XRN1: variants seen among roughly 807,000 people sequenced by gnomAD.
XRN1 encodes the protein strand-exchange protein 1 homolog.
In XRN1, 67 loss-of-function variants were observed where a neutral mutation model predicts 222.3. The observed-to-expected ratio is 0.30, with a 90% CI of 0.25 to 0.37. The LOEUF is 0.37. Ranked by LOEUF, XRN1 falls within the 10% of genes least tolerant of loss-of-function variation. The pLI, the probability that XRN1 is intolerant of heterozygous loss-of-function variation, is 1.00. For missense variants in XRN1, 1,707 were observed against 2,000.2 expected (o/e 0.85, Z 2.80); for synonymous variants, 643 against 652.4 (o/e 0.99, Z 0.22).
In XRN1 at chr3:142,365,363, T is replaced by C; in HGVS notation, c.3208A>G (p.Arg1070Gly). 6.4e-7 allele frequency: 1 copy of C among 1,560,824 alleles called. No homozygotes were observed. Among genetic ancestry groups the C allele is most frequent in the Non-Finnish European group, 8.7e-7 (1 of 1,152,996 alleles). Residue 1070 changes from arginine (R) to glycine (G), a missense_variant, in exon 28 of 41, where the codon AGA becomes GGA. Coordinates refer to ENST00000392981, the MANE Select transcript of XRN1 (RefSeq NM_001282857.2). ...IEEEVEKCKQ[R>G]KNNKKVRVTV... ...ACTCGCACCTTCTTATTATTCTTTC[T>C]TTGCTGAGGAAAAAGAAAAATTGTT...
chr3:142,354,578 G>A (rs554141318), intron 32 of XRN1, among the ~76,000 whole-genome samples: 1 of 152,282 alleles, frequency 6.6e-6, no homozygotes, highest in South Asian at 2.1e-4. Context: ...TTGATTTAGA[G>A]ACTGAATCTT....
At chr3:142,320,491 T>A (rs1342321660) in intron 37 of XRN1, among the ~76,000 whole-genome samples, 1 of 152,194 alleles carries the variant, frequency 6.6e-6, no homozygotes. Flanking sequence ...ATACATAGTT[T>A]GCAAATACTG....
At chr3:142,320,701 C>A (rs77722143) in intron 37 of XRN1, among the ~76,000 whole-genome samples, 1 of 152,032 alleles carries the variant, frequency 6.6e-6, no homozygotes, top group African/African-American at 2.4e-5. Flanking sequence ...ACATTTAAGA[C>A]TCATTTCATG....
In XRN1 at chr3:142,418,289, G is replaced by T. The variant is rs1236792284; in HGVS notation, c.1346+215C>A. 1.1e-5 allele frequency: 5 copies of T among 445,900 alleles called. No homozygotes were observed. The Admixed American group carries it at 2.1e-4, about 18-fold the overall frequency. 27.6% of individuals were successfully genotyped at this position (445,900 alleles called of 1,614,324 possible). On this transcript the variant is annotated intron_variant, in intron 12 of 40. Coordinates refer to ENST00000392981, the MANE Select transcript of XRN1 (RefSeq NM_001282857.2). ...TGTAACAAAAATCCTTATACATAAG[G>T]ATCATTTTCTCTTCAGCAATTTTTA... is the stretch of plus-strand genomic sequence containing the variant.
intron 12 of XRN1, chr3:142,418,270 A>G: frequency 2.4e-6 from 1 of 412,090 alleles, no homozygotes. Context: ...ACTTTGTAAC[A>G]AAAATCCTTA....
intron 3 of XRN1, among the ~76,000 whole-genome samples, chr3:142,425,742 C>T (rs1368624259): frequency 6.6e-6 from 1 of 152,068 alleles, no homozygotes; most frequent in Non-Finnish European, 1.5e-5. Flanking sequence ...TTTCTAATGT[C>T]ACTAGTCCCC....
intron 32 of XRN1, among the ~76,000 whole-genome samples, chr3:142,353,236 C>G (rs1009520468): frequency 4.0e-5 from 6 of 151,682 alleles, no homozygotes; most frequent in Non-Finnish European, 8.8e-5. Flanking sequence ...CTAAAAAAAC[C>G]CTAAAGCTGA....
intron 1 of XRN1, among the ~76,000 whole-genome samples, chr3:142,442,358 CGCAA>C (rs528070562): frequency 9.3e-4 from 142 of 152,140 alleles, no homozygotes; most frequent in Non-Finnish European, 1.1e-3. Context: ...CCAAAAGAGC[CGCAA>C]GGCAGGACCC....
chr3:142,447,422 A>T lies in XRN1; in HGVS notation c.75+448T>A, dbSNP rs1458827134. Among the ~76,000 whole-genome samples, 1 of 152,122 alleles carries T rather than the reference A, an allele frequency of 6.6e-6. No homozygotes were observed. Among genetic ancestry groups the T allele is most frequent in the Non-Finnish European group, 1.5e-5 (1 of 68,018 alleles). ...GCGCTCTAGATCAGGGAAAGTAAAC[A>T]AGGTGACTGCGTGCGGAAGCGGCTG... On this transcript the variant is annotated intron_variant, in intron 1 of 40. Coordinates refer to ENST00000392981, the MANE Select transcript of XRN1 (RefSeq NM_001282857.2). The surrounding 1 kb of genome is among the most constrained non-coding windows in gnomAD (Gnocchi z 4.2).
rs558997804 is a variant in XRN1, at chr3:142,422,441, G to A, written c.967+141C>T. ...ATCACTGAAAATGACAACCTCAGAG[G>A]TTAGCACCTTAGACCAAAATAAATC... On this transcript the variant is annotated intron_variant, in intron 8 of 40. Coordinates refer to ENST00000392981, the MANE Select transcript of XRN1 (RefSeq NM_001282857.2). 5.7e-5 allele frequency: 47 copies of A among 826,906 alleles called. No individual in the cohort carries two copies. The East Asian group carries it at 1.3e-3, about 22-fold the overall frequency. The allele number at this position is 826,906 out of a possible 1,614,324, so 51.2% of individuals were successfully genotyped here.
chr3:142,397,511 A>G, intron 19 of XRN1, 51 bp from the exon 20 acceptor site: 1 of 1,488,790 alleles, frequency 6.7e-7, no homozygotes, highest in Non-Finnish European at 9.0e-7. Context: ...GGTTTAATAT[A>G]GAGTTCTAGC....
rs16852292 is a variant in XRN1 at position 142,356,485 on chromosome 3, A to C, written c.3672+427T>G. On this transcript the variant is annotated intron_variant, in intron 31 of 40. Transcript: ENST00000392981. Reference sequence around the variant, plus strand: ...TGTCCCCAGAAAGAGGAAATAAAGGAAATCACCCATAAATTGTATGGTAGA... The same window carrying C: ...TGTCCCCAGAAAGAGGAAATAAAGGCAATCACCCATAAATTGTATGGTAGA... Among the ~76,000 whole-genome samples the C allele has an allele frequency of 1.8e-3, 268 of 152,336 alleles. 3 individuals carry two copies. Among genetic ancestry groups the C allele is most frequent in the African/African-American group, 6.1e-3 (252 of 41,582 alleles).
intron 18 of XRN1, 87 bp downstream of exon 18, chr3:142,403,587 T>C: frequency 3.2e-6 from 4 of 1,247,382 alleles, no homozygotes; most frequent in Non-Finnish European, 4.6e-6. Flanking sequence ...AGTTACAACA[T>C]ATAATACCTC....
intron 31 of XRN1, among the ~76,000 whole-genome samples, chr3:142,356,388 AC>A (rs2066466055): frequency 6.6e-6 from 1 of 152,198 alleles, no homozygotes; most frequent in Admixed American, 6.5e-5. Context: ...GGTTAAAAAA[AC>A]GTACTTAATA....
In XRN1 at chr3:142,311,584, G is replaced by A. The variant is rs573552027; in HGVS notation, c.5012C>T (p.Thr1671Ile). 8 of 1,614,036 alleles carry A rather than the reference G, an allele frequency of 5.0e-6. No homozygotes were observed. In the South Asian group the frequency reaches 6.6e-5, roughly 13 times the overall value. Residue 1671 changes from threonine (T) to isoleucine (I), a missense_variant, in exon 41 of 41, where the codon ACA becomes ATA. Physicochemically the swap from Thr to Ile is moderately conservative, Grantham distance 89. Coordinates refer to ENST00000392981, the MANE Select transcript of XRN1 (RefSeq NM_001282857.2). ...TTTTCTTCTTGAAGAAGAGATTGGT[G>A]TTGACTTATGGTGAGATATACTATG... is the stretch of plus-strand genomic sequence containing the variant. ...QGHSISHHKS[T>I]PISSSRRKSR...
intron 37 of XRN1, among the ~76,000 whole-genome samples, chr3:142,319,273 G>A (rs1264685991): frequency 3.9e-5 from 6 of 152,048 alleles, no homozygotes; most frequent in South Asian, 4.3e-4. Flanking sequence ...TGTAGAGTTC[G>A]GAAGCTGTGA....
chr3:142,381,941 AAAAC>A (rs1341306138), intron 22 of XRN1, among the ~76,000 whole-genome samples: 2 of 152,134 alleles, frequency 1.3e-5, no homozygotes, highest in Non-Finnish European at 2.9e-5. Flanking sequence ...ACAAAACAAA[AAAAC>A]AGTTCCTTAT....
intron 1 of XRN1, chr3:142,435,833 G>A (rs2069870144): frequency 6.6e-6 from 1 of 151,008 alleles, no homozygotes; most frequent in Admixed American, 6.6e-5. Flanking sequence ...GGAGGCCAAG[G>A]CGGGTGGATC....
chr3:142,375,825 T>G lies in XRN1; in HGVS notation c.2951A>C (p.Glu984Ala). 6.2e-7 allele frequency: 1 copy of G among 1,613,838 alleles called. No homozygotes were observed. Among genetic ancestry groups the G allele is most frequent in the East Asian group, 2.2e-5 (1 of 44,854 alleles). The stretch of plus-strand genomic sequence containing the variant: ...CTCTAAGTACTCTGCCAGAAGTTGT[T>G]CTGCTGCAGATGAATACATCCATTC... ...GSEWMYSSAAEQLLAEYLERA... is the reference protein window; with the variant it reads ...GSEWMYSSAAAQLLAEYLERA... Residue 984 changes from glutamate (E) to alanine (A), a missense_variant, in exon 25 of 41, where the codon GAA becomes GCA. Physicochemically the swap from Glu to Ala is moderately radical, Grantham distance 107. Coordinates refer to ENST00000392981, the MANE Select transcript of XRN1 (RefSeq NM_001282857.2).
Sources: allele counts gnomAD v4.1 joint callset (sites outside exome capture counted in the v4.1 genomes callset), GRCh38; gene constraint gnomAD v4.1.1; non-coding constraint Gnocchi (gnomAD v3.1); transcripts MANE v1.5; gene names NCBI Gene and HGNC (gene_info 2026-07-23, HGNC 2026-07-21).